Variants in ZNF84 observed in about 807,000 individuals in gnomAD.
The protein encoded by ZNF84 is zinc finger protein 84, also known as zinc finger protein HPF2.
In ZNF84, 12 loss-of-function variants were observed where a neutral mutation model predicts 14.8. The ratio of observed to expected loss-of-function variants is 0.81; its 90% CI spans 0.52 to 1.31. The LOEUF (loss-of-function observed/expected upper bound fraction) is 1.31. ZNF84 is among the 50% of genes most tolerant of loss of function. ZNF84 has a pLI of 0.00. For missense variants in ZNF84, 859 were observed against 878.6 expected (o/e 0.98, Z 0.28); for synonymous variants, 347 against 291.1 (o/e 1.19, Z -1.96).
In ZNF84 at chr12:133,058,509, C is replaced by T; in HGVS notation, c.1794C>T (p.Pro598=). ...AGAGAATTCACACTGGAGAGAAACC[C>T]TATGAATGCAGTCTTTGTAGGAAAG... ...THQRIHTGEK[P]YECSLCRKAF... is the part of the protein sequence containing the mutation. The change falls in exon 5 of 5, where the codon CCC becomes CCT. Residue 598 remains proline (P), a synonymous_variant. Transcript: ENST00000539354. The T allele has an allele frequency of 6.2e-7, 1 of 1,614,052 alleles. No individual in the cohort carries two copies. Among genetic ancestry groups the T allele is most frequent in the Non-Finnish European group, 8.5e-7 (1 of 1,179,968 alleles).
chr12:133,056,459 TAGAC>T (rs1954160235), intron 4 of ZNF84, among the ~76,000 whole-genome samples: 2 of 152,064 alleles, frequency 1.3e-5, no homozygotes, highest in South Asian at 2.1e-4. Context: ...TTCACCATGT[TAGAC>T]AGGATGGTCT....
At chr12:133,043,168 G>A (rs1953915210) in intron 2 of ZNF84, among the ~76,000 whole-genome samples, 1 of 151,998 alleles carries the variant, frequency 6.6e-6, no homozygotes, top group Non-Finnish European at 1.5e-5. Flanking sequence ...CCCAGTTGAG[G>A]TGGCTTCTTT....
chr12:133,063,064 T>C lies in ZNF84; in HGVS notation c.*4132T>C, dbSNP rs1954291247. 5.7e-6 allele frequency: 4 copies of C among 701,124 alleles called. No homozygotes were observed. Among genetic ancestry groups the C allele is most frequent in the Non-Finnish European group, 1.0e-5 (4 of 383,856 alleles). 43.4% of individuals were successfully genotyped at this position (701,124 alleles called of 1,614,324 possible). On this transcript the variant is annotated 3_prime_UTR_variant, in exon 5 of 5. Transcript: ENST00000539354. ...TAATTTTTGCATCACAAGCTATATT[T>C]AAATGTGGGTGCAGTGAGTGGCTGT...
chr12:133,058,320 G>A lies in ZNF84; in HGVS notation c.1605G>A (p.Arg535=). ...AGTCACATCTCATATCACATCAGAG[G>A]ACACATACAGGGGAGAAACCCTATG... ...CQKSHLISHQ[R]THTGEKPYEC... The change falls in exon 5 of 5, where the codon AGG becomes AGA. Residue 535 remains arginine (R), a synonymous_variant. Coordinates refer to ENST00000539354, the MANE Select transcript of ZNF84 (RefSeq NM_001289971.2). 1.9e-6 allele frequency: 3 copies of A among 1,613,660 alleles called. No homozygotes were observed. In the South Asian group the frequency reaches 3.3e-5, roughly 18 times the overall value.
At chr12:133,042,899 A>AT (rs756116052) in intron 2 of ZNF84, among the ~76,000 whole-genome samples, 188 of 152,346 alleles carry the variant, frequency 1.2e-3, no homozygotes, top group Admixed American at 4.8e-3. Context: ...CTTAGCCCAG[A>AT]TGAGTCCCTT....
At chr12:133,041,753 C>T (rs983162623) in intron 2 of ZNF84, among the ~76,000 whole-genome samples, 2 of 152,226 alleles carry the variant, frequency 1.3e-5, no homozygotes, top group Non-Finnish European at 2.9e-5. Context: ...TTTTGGTAGT[C>T]GTAATAGAGA....
rs1159508998 is a variant in ZNF84, at chr12:133,063,296, T to A, written c.*4364T>A. ...TATCCTAATAAATTCTCATGTTTGC[T>A]TCATCTGGCTCAAGTTGTGTTTGTT... is the stretch of plus-strand genomic sequence containing the variant. On this transcript the variant is annotated 3_prime_UTR_variant, in exon 5 of 5. Coordinates refer to ENST00000539354, the MANE Select transcript of ZNF84 (RefSeq NM_001289971.2). The A allele has an allele frequency of 1.6e-5, 11 of 700,512 alleles. No homozygotes were observed. The highest frequency in any genetic ancestry group is 2.6e-5 in the Non-Finnish European group (10 of 383,594). 43.4% of individuals were successfully genotyped at this position (700,512 alleles called of 1,614,324 possible).
intron 1 of ZNF84, among the ~76,000 whole-genome samples, chr12:133,040,064 ACTC>A (rs1334182913): frequency 2.0e-5 from 3 of 151,480 alleles, no homozygotes; most frequent in South Asian, 2.1e-4. Flanking sequence ...GGCTGGTTGA[ACTC>A]CTGACCTCAG....
chr12:133,046,017 A>G lies in ZNF84; in HGVS notation c.16-1938A>G, dbSNP rs1222157181. Among the ~76,000 whole-genome samples, 9 of 151,822 alleles carry G rather than the reference A, an allele frequency of 5.9e-5. No homozygotes were observed. In the Admixed American group the frequency reaches 5.9e-4, roughly 10 times the overall value. On this transcript the variant is annotated intron_variant, in intron 2 of 4. Transcript: ENST00000539354. ...AATTCTCTGACTTCTCTTAAAGTATATTGTGTGCTGTGAGGGTCAAATTTA... is the reference window on the plus strand; with the variant it reads ...AATTCTCTGACTTCTCTTAAAGTATGTTGTGTGCTGTGAGGGTCAAATTTA...
chr12:133,050,205 G>T (rs1247398564), intron 4 of ZNF84, among the ~76,000 whole-genome samples: 1 of 152,220 alleles, frequency 6.6e-6, no homozygotes, highest in Non-Finnish European at 1.5e-5. Context: ...CTGACGCTCC[G>T]ACTACTGCTG....
intron 1 of ZNF84, chr12:133,038,959 A>C (rs935995036): frequency 6.6e-6 from 1 of 152,326 alleles, no homozygotes; most frequent in South Asian, 2.1e-4. Flanking sequence ...ATATGCTTCC[A>C]TTGTATGAAA....
chr12:133,051,452 C>T (rs1275361184), intron 4 of ZNF84, among the ~76,000 whole-genome samples: 13 of 152,048 alleles, frequency 8.5e-5, no homozygotes, highest in South Asian at 4.2e-4. Context: ...GAAGGACTCA[C>T]GGGACTCAGC....
intron 2 of ZNF84, among the ~76,000 whole-genome samples, chr12:133,044,871 G>A (rs1954113900): frequency 6.6e-6 from 1 of 151,298 alleles, no homozygotes; most frequent in Non-Finnish European, 1.5e-5. Flanking sequence ...CCGAGATTGC[G>A]CCACTGCACT....
At chr12:133,051,423 C>T (rs1040689395) in intron 4 of ZNF84, among the ~76,000 whole-genome samples, 1 of 152,064 alleles carries the variant, frequency 6.6e-6, no homozygotes, top group South Asian at 2.1e-4. Context: ...CCAAGATCCC[C>T]CTATGTTCAG....
In ZNF84 at chr12:133,061,805, AG is replaced by A. The variant is rs1335010903; in HGVS notation, c.*2875del. 6.6e-6 allele frequency: 1 copy of A among 152,218 alleles called. No homozygotes were observed. Among genetic ancestry groups the A allele is most frequent in the Non-Finnish European group, 1.5e-5 (1 of 68,046 alleles). The allele number at this position is 152,218 out of a possible 1,614,324, so 9.4% of individuals were successfully genotyped here. ...TGGGGAGGATTGATGCTGACAGCAG[AG>A]GTCTAGTTAAAAACTGATGCAGAGG... On this transcript the variant is annotated 3_prime_UTR_variant, in exon 5 of 5. Coordinates refer to ENST00000539354, the MANE Select transcript of ZNF84 (RefSeq NM_001289971.2).
chr12:133,037,966 AC>A (rs1356300342), intron 1 of ZNF84: 1 of 152,284 alleles, frequency 6.6e-6, no homozygotes, highest in Non-Finnish European at 1.5e-5. Context: ...CGCTGGGGTT[AC>A]AGGTGTGAGC....
chr12:133,059,766 TAAC>T lies in ZNF84; in HGVS notation c.*837_*839del. The T allele has an allele frequency of 6.6e-6, 1 of 152,328 alleles. No individual in the cohort carries two copies. The highest frequency in any genetic ancestry group is 6.5e-5 in the Admixed American group (1 of 15,304). The allele number at this position is 152,328 out of a possible 1,614,324, so 9.4% of individuals were successfully genotyped here. A position where few individuals can be genotyped will look rare whatever the true frequency, so the allele number is the denominator to read the frequency against. On this transcript the variant is annotated 3_prime_UTR_variant, in exon 5 of 5. Transcript: ENST00000539354. ...CTACACACCACTGGTTTTTATTTTT[TAAC>T]AATAATATAAAAAATGGAAACTCAT...
intron 3 of ZNF84, chr12:133,048,455 A>G: frequency 3.4e-6 from 1 of 295,998 alleles, no homozygotes; most frequent in Non-Finnish European, 6.4e-6. Context: ...ATTTTTCCTG[A>G]TGAGAAGATC....
In ZNF84 at chr12:133,062,283, A is replaced by T. The variant is rs1174152209; in HGVS notation, c.*3351A>T. 1 of 152,192 alleles carries T rather than the reference A, an allele frequency of 6.6e-6. No homozygotes were observed. Among genetic ancestry groups the T allele is most frequent in the Admixed American group, 6.5e-5 (1 of 15,280 alleles). The allele number at this position is 152,192 out of a possible 1,614,324, so 9.4% of individuals were successfully genotyped here. A position where few individuals can be genotyped will look rare whatever the true frequency, so the allele number is the denominator to read the frequency against. ...GTGTGACTTTTTCTTGCAGGATCTG[A>T]CATCATTACCTATGGGTCCATATAT... On this transcript the variant is annotated 3_prime_UTR_variant, in exon 5 of 5. Transcript: ENST00000539354.
Sources: allele counts gnomAD v4.1 joint callset (sites outside exome capture counted in the v4.1 genomes callset), GRCh38; gene constraint gnomAD v4.1.1; transcripts MANE v1.5; gene names NCBI Gene and HGNC (gene_info 2026-07-23, HGNC 2026-07-21).